SPOCK3: variants seen among roughly 807,000 people sequenced by gnomAD.
SPOCK3 encodes the protein testican-3.
Under a neutral mutation model 56.6 loss-of-function variants are expected in SPOCK3, and 30 were observed. The observed-to-expected ratio is 0.53, with a 90% CI of 0.40 to 0.72. SPOCK3 has a LOEUF of 0.72. SPOCK3 is among the 30% of genes least tolerant of loss of function. The pLI is 0.00. For synonymous variants in SPOCK3, 196 were observed against 183.3 expected (o/e 1.07, Z -0.56); for missense variants, 527 against 530.0 (o/e 0.99, Z 0.06).
chr4:167,109,031 TAAATATATACTTATATAA>T (rs1760499597), intron 2 of SPOCK3, among the ~76,000 whole-genome samples: 1 of 85,036 alleles, frequency 1.2e-5, no homozygotes, highest in Non-Finnish European at 2.0e-5. Context: ...AAAATATATA[TAAATATATACTTATATAA>T]AAATATATAT....
chr4:166,991,186 A>G (rs1747741749), intron 4 of SPOCK3, among the ~76,000 whole-genome samples: 1 of 151,902 alleles, frequency 6.6e-6, no homozygotes, highest in Non-Finnish European at 1.5e-5. Context: ...CCTTTAATTC[A>G]CCACTATTTT....
chr4:166,744,157 C>A (rs1317808362), intron 8 of SPOCK3, among the ~76,000 whole-genome samples: 10 of 152,174 alleles, frequency 6.6e-5, no homozygotes, highest in Non-Finnish European at 1.3e-4. Flanking sequence ...ACTGCCTCCT[C>A]AAGTGGGTCC....
At chr4:167,082,825 AC>A (rs1757845180) in intron 2 of SPOCK3, among the ~76,000 whole-genome samples, 1 of 147,390 alleles carries the variant, frequency 6.8e-6, no homozygotes, top group South Asian at 2.3e-4. Context: ...GGGAGGGAAG[AC>A]AGAGGGAGGG....
intron 2 of SPOCK3, among the ~76,000 whole-genome samples, chr4:167,111,144 T>C (rs1760869406): frequency 6.6e-6 from 1 of 152,094 alleles, no homozygotes; most frequent in Non-Finnish European, 1.5e-5. Flanking sequence ...TATATTTGTA[T>C]ATATAGCCTA....
intron 3 of SPOCK3, among the ~76,000 whole-genome samples, chr4:167,053,893 G>A (rs1223020918): frequency 6.6e-6 from 1 of 151,924 alleles, no homozygotes; most frequent in African/African-American, 2.4e-5. Flanking sequence ...AAACGTGGAG[G>A]AGCAGGAGAA....
At chr4:167,203,659 G>A (rs866948626) in intron 2 of SPOCK3, among the ~76,000 whole-genome samples, 4 of 151,868 alleles carry the variant, frequency 2.6e-5, no homozygotes, top group Middle Eastern at 3.2e-3. Flanking sequence ...AGCTACAACA[G>A]CCAATTACGA....
At chr4:167,071,716 A>G (rs1756702799) in intron 2 of SPOCK3, among the ~76,000 whole-genome samples, 1 of 152,060 alleles carries the variant, frequency 6.6e-6, no homozygotes, top group Non-Finnish European at 1.5e-5. Flanking sequence ...AGCATGATTT[A>G]TAATCCTTTG....
At chr4:166,872,740 A>AT (rs953607173) in intron 6 of SPOCK3, among the ~76,000 whole-genome samples, 29 of 152,264 alleles carry the variant, frequency 1.9e-4, no homozygotes, top group African/African-American at 6.0e-4. Context: ...TGTCTTAGTT[A>AT]TTTTTTTGTT....
chr4:166,824,581 T>A (rs1745266215), intron 6 of SPOCK3, among the ~76,000 whole-genome samples: 1 of 152,088 alleles, frequency 6.6e-6, no homozygotes. Context: ...ACACAAAAAA[T>A]GAAATAAAGA....
chr4:166,841,949 G>T (rs929820593), intron 6 of SPOCK3, among the ~76,000 whole-genome samples: 5 of 152,100 alleles, frequency 3.3e-5, no homozygotes, highest in African/African-American at 7.2e-5. Context: ...TCTGATGTTC[G>T]GACATGTTTG....
intron 2 of SPOCK3, among the ~76,000 whole-genome samples, chr4:167,226,734 T>C (rs976359099): frequency 9.2e-5 from 14 of 152,250 alleles, no homozygotes; most frequent in Non-Finnish European, 1.9e-4. Flanking sequence ...GTGATTGTCC[T>C]AGATTTTCTC....
chr4:167,182,097 C>T (rs964778758), intron 2 of SPOCK3, among the ~76,000 whole-genome samples: 2 of 152,120 alleles, frequency 1.3e-5, no homozygotes, highest in Non-Finnish European at 2.9e-5. Flanking sequence ...CTAAATAACT[C>T]ATTGTAGAGA....
At chr4:166,898,978 A>T (rs772201683) in intron 5 of SPOCK3, among the ~76,000 whole-genome samples, 3 of 151,964 alleles carry the variant, frequency 2.0e-5, no homozygotes, top group Non-Finnish European at 4.4e-5. Context: ...GAGGGTCTGG[A>T]TAGAATAAAA....
intron 4 of SPOCK3, among the ~76,000 whole-genome samples, chr4:166,991,783 G>A (rs1561093250): frequency 6.6e-6 from 1 of 152,208 alleles, no homozygotes; most frequent in African/African-American, 2.4e-5. Flanking sequence ...TCAGCATATT[G>A]TTTACAGTAG....
intron 2 of SPOCK3, among the ~76,000 whole-genome samples, chr4:167,151,626 G>A (rs1219622877): frequency 1.3e-5 from 2 of 151,724 alleles, no homozygotes; most frequent in Admixed American, 6.6e-5. Context: ...TAGTAGAGAC[G>A]GGGTTTCACT....
chr4:166,980,842 G>A (rs1375348634), intron 4 of SPOCK3, among the ~76,000 whole-genome samples: 1 of 152,168 alleles, frequency 6.6e-6, no homozygotes, highest in Non-Finnish European at 1.5e-5. Context: ...GCCCTGCTTG[G>A]GAGGCCCCTA....
intron 2 of SPOCK3, among the ~76,000 whole-genome samples, chr4:167,164,637 T>A (rs1765605213): frequency 6.7e-6 from 1 of 148,506 alleles, no homozygotes; most frequent in Non-Finnish European, 1.5e-5. Context: ...TTCCCCTCCC[T>A]GTGTCCATGT....
At chr4:167,221,687 A>C (rs941264225) in intron 2 of SPOCK3, among the ~76,000 whole-genome samples, 2 of 152,200 alleles carry the variant, frequency 1.3e-5, no homozygotes, top group African/African-American at 2.4e-5. Flanking sequence ...AGTGGCTAAC[A>C]ATTATATGAA....
At chr4:167,082,570 T>C (rs1452799951) in intron 2 of SPOCK3, among the ~76,000 whole-genome samples, 1 of 152,016 alleles carries the variant, frequency 6.6e-6, no homozygotes, top group Non-Finnish European at 1.5e-5. Context: ...AATATGACTG[T>C]TTTATGCTTG....
Sources: allele counts gnomAD v4.1 joint callset (sites outside exome capture counted in the v4.1 genomes callset), GRCh38; gene constraint gnomAD v4.1.1; transcripts MANE v1.5; gene names NCBI Gene and HGNC (gene_info 2026-07-23, HGNC 2026-07-21).